SEMA3B: variants seen among roughly 807,000 people sequenced by gnomAD.
SEMA3B encodes the protein semaphorin-3B.
Under a neutral mutation model 77.8 loss-of-function variants are expected in SEMA3B, and 71 were observed. The ratio of observed to expected loss-of-function variants is 0.91; its 90% confidence interval spans 0.75 to 1.11. The LOEUF (loss-of-function observed/expected upper bound fraction) is 1.11. SEMA3B is among the 50% of genes most tolerant of loss of function. The probability of loss-of-function intolerance (pLI) is 0.00; values close to 1 mark genes in which losing one functional copy is unlikely to be tolerated. For missense variants in SEMA3B, 968 were observed against 1,056.8 expected, an observed-to-expected ratio of 0.92 and a Z score of 1.17; for synonymous variants, 470 against 452.9, an observed-to-expected ratio of 1.04 and a Z score of -0.48.
rs1313059897 is a variant in SEMA3B at position 50,269,506 on chromosome 3, C to T, written c.109+157C>T. Among the ~76,000 whole-genome samples the T allele has an allele frequency of 1.3e-5, 2 of 152,146 alleles. No homozygotes were observed. ...GCACTCTCAGGCCACCTCCAGTTAA[C>T]CCTGTCCGGGCCTCAGCCCCCAGCC... is the stretch of plus-strand genomic sequence containing the variant. On this transcript the variant is annotated intron_variant, in intron 1 of 16. Transcript: ENST00000616701. This position sits in a 1 kb window ranked among gnomAD's most constrained non-coding sequence, Gnocchi z 4.0.
In SEMA3B at chr3:50,270,788, G is replaced by A; in HGVS notation, c.331-102G>A. 6.6e-7 allele frequency: 1 copy of A among 1,513,870 alleles called. No homozygotes were observed. Among genetic ancestry groups the A allele is most frequent in the Middle Eastern group, 1.8e-4 (1 of 5,660 alleles). 93.8% of individuals were successfully genotyped at this position (1,513,870 alleles called of 1,614,324 possible). A position where few individuals can be genotyped will look rare whatever the true frequency, so the allele number is the denominator to read the frequency against. On this transcript the variant is annotated intron_variant, in intron 3 of 16. Transcript: ENST00000616701. The surrounding 1 kb of genome is among the most constrained non-coding windows in gnomAD (Gnocchi z 4.7). ...CTGTAGCCCATGTTAGTACTTGCCT[G>A]GGCTGATGCCGAAGAGAGGGAGGGG... is the stretch of plus-strand genomic sequence containing the variant.
At position 50,270,694 on chromosome 3, in the gene SEMA3B, G is replaced by C; in HGVS notation, c.331-196G>C. Reference sequence around the variant, plus strand: ...GTGCCTCTGAGTCATGGGAGGCTTTGCAGGCCTGTGCTTCCCCAGACACCC... The same window carrying C: ...GTGCCTCTGAGTCATGGGAGGCTTTCCAGGCCTGTGCTTCCCCAGACACCC... On this transcript the variant is annotated intron_variant, in intron 3 of 16. Transcript: ENST00000616701. This position sits in a 1 kb window ranked among gnomAD's most constrained non-coding sequence, Gnocchi z 4.7. 8.6e-7 allele frequency: 1 copy of C among 1,158,094 alleles called. No individual in the cohort carries two copies. Among genetic ancestry groups the C allele is most frequent in the Non-Finnish European group, 1.2e-6 (1 of 833,286 alleles). The allele number at this position is 1,158,094 out of a possible 1,614,324, so 71.7% of individuals were successfully genotyped here.
Position 50,270,389 on chromosome 3 carries a change from C to A in SEMA3B, c.268-44C>A. Reference sequence around the variant, plus strand: ...ATGGCTCCCTGAGGTAGAGAATATCCCAAGTTCCTGACCTGTGTCCCCTCT... The same window carrying A: ...ATGGCTCCCTGAGGTAGAGAATATCACAAGTTCCTGACCTGTGTCCCCTCT... On this transcript the variant is annotated intron_variant, in intron 2 of 16. Transcript: ENST00000616701. This position sits in a 1 kb window ranked among gnomAD's most constrained non-coding sequence, Gnocchi z 4.7. 3 of 1,612,886 alleles carry A rather than the reference C, an allele frequency of 1.9e-6. No individual in the cohort carries two copies. In the African/African-American group the frequency reaches 4.0e-5, roughly 22 times the overall value.
Position 50,276,092 on chromosome 3 carries a change from A to T in SEMA3B, c.1846-210A>T, listed in dbSNP as rs762706. ...CCATTAAGGTCCCTGACCACCCCCCACCAAGTTCATGTAAACCCCGCCTCT... is the reference window on the plus strand; with the variant it reads ...CCATTAAGGTCCCTGACCACCCCCCTCCAAGTTCATGTAAACCCCGCCTCT... On this transcript the variant is annotated intron_variant, in intron 16 of 16. Coordinates refer to ENST00000616701, the MANE Select transcript of SEMA3B (RefSeq NM_001290060.2). The surrounding 1 kb of genome is among the most constrained non-coding windows in gnomAD (Gnocchi z 5.8). The T allele has an allele frequency of 7.1e-6, 5 of 705,494 alleles. No individual in the cohort carries two copies. Among genetic ancestry groups the T allele is most frequent in the Admixed American group, 7.1e-5 (2 of 27,994 alleles). The allele number at this position is 705,494 out of a possible 1,614,324, so 43.7% of individuals were successfully genotyped here.
rs1413702707 is a variant in SEMA3B, at chr3:50,277,467, G to T, written c.*761G>T. The T allele has an allele frequency of 6.9e-6, 1 of 145,658 alleles. No individual in the cohort carries two copies. The highest frequency in any genetic ancestry group is 2.6e-5 in the African/African-American group (1 of 39,088). 9.0% of individuals were successfully genotyped at this position (145,658 alleles called of 1,614,324 possible). On this transcript the variant is annotated 3_prime_UTR_variant, in exon 17 of 17. Transcript: ENST00000616701. ...CTCAGGAGGCTGAGGCAGGAGAATT[G>T]CTTGAACCTGGGAGGTGGAGGTTGC...
Position 50,270,985 on chromosome 3 carries a change from T to C in SEMA3B, c.426T>C (p.Phe142=). ...GAGCCTTCCACCCAACCTGTGCCTTTGTGGAAGTGGGCCACCGGGCAGAGG... is the reference window on the plus strand; with the variant it reads ...GAGCCTTCCACCCAACCTGTGCCTTCGTGGAAGTGGGCCACCGGGCAGAGG... The part of the protein sequence containing the change: ...GTGAFHPTCA[F]VEVGHRAEEP... The change falls in exon 4 of 17, where the codon TTT becomes TTC. Residue 142 remains phenylalanine (F), a synonymous_variant. Coordinates refer to ENST00000616701, the MANE Select transcript of SEMA3B (RefSeq NM_001290060.2). This position sits in a 1 kb window ranked among gnomAD's most constrained non-coding sequence, Gnocchi z 4.7. 6.2e-7 allele frequency: 1 copy of C among 1,608,580 alleles called. No homozygotes were observed. The highest frequency in any genetic ancestry group is 8.5e-7 in the Non-Finnish European group (1 of 1,177,442).
chr3:50,275,938 G>C lies in SEMA3B; in HGVS notation c.1845+94G>C. The C allele has an allele frequency of 2.1e-6, 3 of 1,425,570 alleles. No individual in the cohort carries two copies. The allele number at this position is 1,425,570 out of a possible 1,614,324, so 88.3% of individuals were successfully genotyped here. A position where few individuals can be genotyped will look rare whatever the true frequency, so the allele number is the denominator to read the frequency against. On this transcript the variant is annotated intron_variant, in intron 16 of 16. Transcript: ENST00000616701. The surrounding 1 kb of genome is among the most constrained non-coding windows in gnomAD (Gnocchi z 7.5). ...TACCCAACGAAGCCCCGTCCAACCA[G>C]ACCCACTCCCCGCCCTGTCCAGTTT... is the stretch of plus-strand genomic sequence containing the variant.
Position 50,269,531 on chromosome 3 carries a change from C to T in SEMA3B, c.109+182C>T, listed in dbSNP as rs1164522764. 1.3e-5 allele frequency among the ~76,000 whole-genome samples: 2 copies of T among 152,238 alleles called. No homozygotes were observed. The highest frequency in any genetic ancestry group is 4.8e-5 in the African/African-American group (2 of 41,458). On this transcript the variant is annotated intron_variant, in intron 1 of 16. Coordinates refer to ENST00000616701, the MANE Select transcript of SEMA3B (RefSeq NM_001290060.2). This position sits in a 1 kb window ranked among gnomAD's most constrained non-coding sequence, Gnocchi z 4.0. Reference sequence around the variant, plus strand: ...CCCTGTCCGGGCCTCAGCCCCCAGCCTCTGCCCACATTCTCTTCGTGCTTT... The same window carrying T: ...CCCTGTCCGGGCCTCAGCCCCCAGCTTCTGCCCACATTCTCTTCGTGCTTT...
rs1553706409 is a variant in SEMA3B at position 50,275,471 on chromosome 3, CGGGGTT to C, written c.1649+16_1649+21del. On this transcript the variant is annotated intron_variant, in intron 14 of 16. Coordinates refer to ENST00000616701, the MANE Select transcript of SEMA3B (RefSeq NM_001290060.2). The surrounding 1 kb of genome is among the most constrained non-coding windows in gnomAD (Gnocchi z 7.5). ...CCCAGTGCCAAGAGGTGGGCGGGGT[CGGGGTT>C]GGGCCGCCGGGAGGGAGGCGAAGGG... 1 of 1,582,378 alleles carries C rather than the reference CGGGGTT, an allele frequency of 6.3e-7. No individual in the cohort carries two copies. The highest frequency in any genetic ancestry group is 1.1e-5 in the South Asian group (1 of 90,024).
chr3:50,266,872 TCCTC>T (rs1700908287), upstream of SEMA3B: 1 of 151,970 alleles, frequency 6.6e-6, no homozygotes, highest in Non-Finnish European at 1.5e-5. Context: ...TGGGGGTTGT[TCCTC>T]CCACCTCCAA....
At position 50,269,370 on chromosome 3, in the gene SEMA3B, G is replaced by A; in HGVS notation, c.109+21G>A. 1 of 1,390,384 alleles carries A rather than the reference G, an allele frequency of 7.2e-7. No individual in the cohort carries two copies. The allele number at this position is 1,390,384 out of a possible 1,614,324, so 86.1% of individuals were successfully genotyped here. A position where few individuals can be genotyped will look rare whatever the true frequency, so the allele number is the denominator to read the frequency against. Reference sequence around the variant, plus strand: ...CCAAGGTAGGTGCACCTGGCAGGCGGGAGGGCCCAGCTTGAGGTGGGCAGG... The same window carrying A: ...CCAAGGTAGGTGCACCTGGCAGGCGAGAGGGCCCAGCTTGAGGTGGGCAGG... On this transcript the variant is annotated intron_variant, in intron 1 of 16. Coordinates refer to ENST00000616701, the MANE Select transcript of SEMA3B (RefSeq NM_001290060.2). This position sits in a 1 kb window ranked among gnomAD's most constrained non-coding sequence, Gnocchi z 4.0.
chr3:50,263,706 T>C (rs1700860381), upstream of SEMA3B, among the ~76,000 whole-genome samples: 1 of 151,472 alleles, frequency 6.6e-6, no homozygotes, highest in Non-Finnish European at 1.5e-5. Flanking sequence ...TCAGTGCTTG[T>C]CCTAAGTAAG....
chr3:50,263,603 CA>C (rs1700859782), upstream of SEMA3B, among the ~76,000 whole-genome samples: 1 of 151,030 alleles, frequency 6.6e-6, no homozygotes, highest in Non-Finnish European at 1.5e-5. Context: ...CTCTCTGAGT[CA>C]GGGGTCAGGG....
Position 50,270,169 on chromosome 3 carries a change from G to A in SEMA3B, c.152G>A (p.Arg51Gln), listed in dbSNP as rs1553705095. The A allele has an allele frequency of 4.4e-6, 7 of 1,582,020 alleles. No individual in the cohort carries two copies. The highest frequency in any genetic ancestry group is 2.3e-5 in the East Asian group (1 of 42,998). The change falls in exon 2 of 17, where the codon CGA becomes CAA. Residue 51 changes from arginine (R) to glutamine (Q), a missense_variant. Transcript: ENST00000616701. This position sits in a 1 kb window ranked among gnomAD's most constrained non-coding sequence, Gnocchi z 4.7. The stretch of plus-strand genomic sequence containing the variant: ...GGTCTCCAGACTTTCAGCCTGGAGC[G>A]AACCTGCTGCTACCAGGCCTTGCTG... ...WHGLQTFSLE[R>Q]TCCYQALLVD...
In SEMA3B at chr3:50,273,449, G is replaced by T. The variant is rs1420827204; in HGVS notation, c.810+6G>T. ...GCGTTGGCCAGATCTGCCGGGTGAG[G>T]AGTCCCTGGGCCACACCCGGCGACC... On this transcript the variant is annotated splice_donor_region_variant and intron_variant, in intron 7 of 16. Coordinates refer to ENST00000616701, the MANE Select transcript of SEMA3B (RefSeq NM_001290060.2). This position sits in a 1 kb window ranked among gnomAD's most constrained non-coding sequence, Gnocchi z 6.5. 1.9e-6 allele frequency: 3 copies of T among 1,613,068 alleles called. No individual in the cohort carries two copies. The highest frequency in any genetic ancestry group is 2.5e-6 in the Non-Finnish European group (3 of 1,179,444).
chr3:50,274,184 TA>T lies in SEMA3B; in HGVS notation c.1137+129del. On this transcript the variant is annotated intron_variant, in intron 10 of 16. Transcript: ENST00000616701. This position sits in a 1 kb window ranked among gnomAD's most constrained non-coding sequence, Gnocchi z 4.7. The stretch of plus-strand genomic sequence containing the variant: ...TATGGGTGGGAAAACGTTTCCATCA[TA>T]AGACAAGGCTTGTTTCCCGCCTCTG... 6.9e-7 allele frequency: 1 copy of T among 1,458,926 alleles called. No homozygotes were observed. Among genetic ancestry groups the T allele is most frequent in the Non-Finnish European group, 9.3e-7 (1 of 1,075,594 alleles). The allele number at this position is 1,458,926 out of a possible 1,614,324, so 90.4% of individuals were successfully genotyped here. A position where few individuals can be genotyped will look rare whatever the true frequency, so the allele number is the denominator to read the frequency against.
intron 6 of SEMA3B, among the ~76,000 whole-genome samples, chr3:50,272,089 C>CTTTG (rs1256010345): frequency 6.6e-6 from 1 of 151,760 alleles, no homozygotes; most frequent in Non-Finnish European, 1.5e-5. Flanking sequence ...CCAGCCTGGG[C>CTTTG]TACAAAGCAA....
Position 50,273,506 on chromosome 3 carries a change from G to A in SEMA3B, c.811-29G>A, listed in dbSNP as rs782801245. The A allele has an allele frequency of 2.2e-5, 35 of 1,609,750 alleles. No homozygotes were observed. The highest frequency in any genetic ancestry group is 2.7e-5 in the Non-Finnish European group (32 of 1,177,262). ...CTACCCCTTTGCCTGCCCTGGTCTC[G>A]CCCTCATCCCCTTTGATCGTCCCGG... On this transcript the variant is annotated intron_variant, in intron 7 of 16. Transcript: ENST00000616701. This position sits in a 1 kb window ranked among gnomAD's most constrained non-coding sequence, Gnocchi z 6.5.
rs1701198559 is a variant in SEMA3B, at chr3:50,275,346, G to T, written c.1536G>T (p.Ala512=). The change falls in exon 14 of 17, where the codon GCG becomes GCT. Residue 512 remains alanine, a synonymous_variant. Transcript: ENST00000616701. This position sits in a 1 kb window ranked among gnomAD's most constrained non-coding sequence, Gnocchi z 7.5. The part of the protein sequence containing the change: ...VASRSAVAQI[A]LHRCAAHGRV... ...CGCGGAGCGCGGTGGCCCAGATCGC[G>T]TTGCACCGCTGCGCTGCCCACGGCC... 6.3e-7 allele frequency: 1 copy of T among 1,582,862 alleles called. No homozygotes were observed. The highest frequency in any genetic ancestry group is 8.6e-7 in the Non-Finnish European group (1 of 1,166,150).
Sources: allele counts gnomAD v4.1 joint callset (sites outside exome capture counted in the v4.1 genomes callset), GRCh38; gene constraint gnomAD v4.1.1; non-coding constraint Gnocchi (gnomAD v3.1); transcripts MANE v1.5; gene names NCBI Gene and HGNC (gene_info 2026-07-23, HGNC 2026-07-21).